Variants in NCKAP5 observed in about 807,000 individuals in gnomAD.
The protein encoded by NCKAP5 is nck-associated protein 5.
Under a neutral mutation model 167.0 loss-of-function variants are expected in NCKAP5, and 92 were observed. The observed-to-expected ratio is 0.55, with a 90% confidence interval of 0.47 to 0.66. The LOEUF (loss-of-function observed/expected upper bound fraction) is 0.66. NCKAP5 is among the 30% of genes least tolerant of loss of function. The probability of loss-of-function intolerance (pLI) is 0.00; values close to 1 mark genes in which losing one functional copy is unlikely to be tolerated. For missense variants in NCKAP5, 2,378 were observed against 2,315.0 expected (o/e 1.03, Z -0.56); for synonymous variants, 891 against 877.4 (o/e 1.02, Z -0.27).
chr2:132,683,314 A>C (rs1289454499), intron 19 of NCKAP5, among the ~76,000 whole-genome samples: 3 of 152,214 alleles, frequency 2.0e-5, no homozygotes, highest in African/African-American at 7.2e-5. Context: ...TGGAAAGAAA[A>C]GGAGGGCAGG....
At chr2:133,578,748 C>T in the NCKAP5 span, among the ~76,000 whole-genome samples, 13 of 152,306 alleles carry the variant, frequency 8.5e-5, no homozygotes, top group Admixed American at 2.0e-4. Context: ...TCAATCAATA[C>T]GCAGTCTCAT....
intron 6 of NCKAP5, among the ~76,000 whole-genome samples, chr2:133,052,281 T>C (rs1485429227): frequency 6.6e-6 from 1 of 152,214 alleles, no homozygotes; most frequent in Non-Finnish European, 1.5e-5. Context: ...CATACTCTGA[T>C]CTGGAGCTAG....
chr2:132,930,042 ATCCAGT>A (rs899380304), intron 8 of NCKAP5: 2 of 152,178 alleles, frequency 1.3e-5, no homozygotes, highest in African/African-American at 4.8e-5. Context: ...CCAGCATGAG[ATCCAGT>A]GATAACAGCC....
chr2:133,285,695 G>A (rs185320591), intron 4 of NCKAP5, among the ~76,000 whole-genome samples: 14 of 152,182 alleles, frequency 9.2e-5, no homozygotes, highest in African/African-American at 2.6e-4. Flanking sequence ...GAATCTTAAC[G>A]TATACCACGG....
At chr2:132,936,522 G>A (rs1014762060) in intron 8 of NCKAP5, among the ~76,000 whole-genome samples, 26 of 152,130 alleles carry the variant, frequency 1.7e-4, no homozygotes, top group Admixed American at 6.6e-5. Context: ...TGGGTTACAC[G>A]TTTATTTTTC....
chr2:133,047,582 C>T (rs978813243), intron 6 of NCKAP5, among the ~76,000 whole-genome samples: 1 of 152,166 alleles, frequency 6.6e-6, no homozygotes, highest in South Asian at 2.1e-4. Flanking sequence ...CCTGAAAAGC[C>T]TCATCTGTCC....
In NCKAP5 at chr2:133,497,605, C is replaced by T. The variant is rs113177998; in HGVS notation, c.69+19853G>A. On this transcript the variant is annotated intron_variant, in intron 3 of 19. Coordinates refer to ENST00000409261, the MANE Select transcript of NCKAP5 (RefSeq NM_207363.3). ...ATTCCTTCTATGGCTTCTCACTAAT[C>T]GCCTTGTCCTATAGGATCCTTGTCC... is the stretch of plus-strand genomic sequence containing the variant. Among the ~76,000 whole-genome samples the T allele has an allele frequency of 2.3e-3, 343 of 152,282 alleles. 2 individuals carry two copies. The highest frequency in any genetic ancestry group is 7.6e-3 in the African/African-American group (314 of 41,562).
chr2:132,714,969 T>C (rs1689227914), intron 19 of NCKAP5: 21 of 438,978 alleles, frequency 4.8e-5, no homozygotes, highest in South Asian at 3.1e-4. Context: ...CACTGTGTAA[T>C]TCGCTGAGTA....
At chr2:133,296,111 G>C (rs55684793) in intron 4 of NCKAP5, among the ~76,000 whole-genome samples, 30,401 of 151,880 alleles carry the variant, frequency 0.2, 3,353 homozygotes, top group African/African-American at 0.3. Flanking sequence ...TTCCTCACAT[G>C]TCCAGCTGCT....
At chr2:132,773,679 A>G in intron 16 of NCKAP5, 137 bp downstream of exon 16, 4 of 691,808 alleles carry the variant, frequency 5.8e-6, no homozygotes, top group Non-Finnish European at 9.5e-6. Context: ...GTCTAAGGAG[A>G]TAATGGCAAC....
intron 6 of NCKAP5, among the ~76,000 whole-genome samples, chr2:133,125,590 C>T (rs1392356960): frequency 1.3e-5 from 2 of 152,180 alleles, no homozygotes; most frequent in African/African-American, 4.8e-5. Context: ...ATCTGGAAAG[C>T]ACCTTTGATG....
chr2:132,807,466 C>A (rs540298390), intron 11 of NCKAP5, among the ~76,000 whole-genome samples: 5 of 152,054 alleles, frequency 3.3e-5, no homozygotes, highest in South Asian at 2.1e-4. Flanking sequence ...CTTGTAGAGG[C>A]CTTTTGACCC....
chr2:133,673,629 T>C, the NCKAP5 span, among the ~76,000 whole-genome samples: 5 of 152,218 alleles, frequency 3.3e-5, no homozygotes, highest in Non-Finnish European at 5.9e-5. Context: ...ACAAACTTAA[T>C]GGGTAAAACT....
At chr2:133,027,105 T>C (rs189001926) in intron 6 of NCKAP5, among the ~76,000 whole-genome samples, 2 of 152,312 alleles carry the variant, frequency 1.3e-5, no homozygotes, top group Admixed American at 1.3e-4. Context: ...GTAGCTATCC[T>C]TTCAAGTAAT....
chr2:133,204,631 A>C (rs1334039301), intron 5 of NCKAP5, among the ~76,000 whole-genome samples: 1 of 152,110 alleles, frequency 6.6e-6, no homozygotes, highest in Non-Finnish European at 1.5e-5. Flanking sequence ...TATGTTAGTG[A>C]TTTTCTAGGA....
At chr2:132,732,655 T>C (rs2105495569) in intron 16 of NCKAP5, among the ~76,000 whole-genome samples, 1 of 152,342 alleles carries the variant, frequency 6.6e-6, no homozygotes, top group Admixed American at 6.5e-5. Context: ...TGGTCACCCT[T>C]ATTTCAATCT....
intron 6 of NCKAP5, among the ~76,000 whole-genome samples, chr2:133,046,313 T>C (rs1449970147): frequency 3.3e-5 from 5 of 152,186 alleles, no homozygotes; most frequent in Non-Finnish European, 5.9e-5. Flanking sequence ...AATTCTAAAA[T>C]AGTTTTAAAT....
At chr2:133,407,869 T>A (rs1197389527) in intron 3 of NCKAP5, among the ~76,000 whole-genome samples, 1 of 151,728 alleles carries the variant, frequency 6.6e-6, no homozygotes, top group African/African-American at 2.4e-5. Context: ...AGGAAGGAGG[T>A]CGATAAAGGG....
At chr2:133,102,934 C>T (rs2149685973) in intron 6 of NCKAP5, among the ~76,000 whole-genome samples, 1 of 152,264 alleles carries the variant, frequency 6.6e-6, no homozygotes, top group Admixed American at 6.5e-5. Context: ...GCCACCTTCC[C>T]TCTTTGAGCC....
Sources: allele counts gnomAD v4.1 joint callset (sites outside exome capture counted in the v4.1 genomes callset), GRCh38; gene constraint gnomAD v4.1.1; transcripts MANE v1.5; gene names NCBI Gene and HGNC (gene_info 2026-07-23, HGNC 2026-07-21).